Variants in CFAP61 observed in about 807,000 individuals in gnomAD.
CFAP61 encodes cilia and flagella associated protein 61, also known as cilia- and flagella-associated protein 61.
In CFAP61, 107 loss-of-function variants were observed where a neutral mutation model predicts 135.6. That is an observed-to-expected ratio of 0.79 (90% CI 0.67 to 0.93). The LOEUF (loss-of-function observed/expected upper bound fraction) is 0.93, where lower values mean the gene tolerates loss of function less well. Among genes scored for constraint, CFAP61 ranks in the 40% least tolerant of loss-of-function variants. The pLI is 0.00. For missense variants in CFAP61, 1,507 were observed against 1,556.2 expected (o/e 0.97, Z 0.53); for synonymous variants, 575 against 578.5 (o/e 0.99, Z 0.09).
At chr20:20,138,064 G>A (rs2051073999) in intron 8 of CFAP61, among the ~76,000 whole-genome samples, 1 of 152,060 alleles carries the variant, frequency 6.6e-6, no homozygotes, top group Admixed American at 6.5e-5. Flanking sequence ...CCAGGGCCTG[G>A]AATAGGGACC....
chr20:20,172,000 A>G (rs1234067110), intron 13 of CFAP61: 2 of 393,006 alleles, frequency 5.1e-6, no homozygotes, highest in Non-Finnish European at 4.5e-6. Context: ...ACCTCTGTTC[A>G]TATTATGTGA....
chr20:20,360,575 A>G lies in CFAP61; in HGVS notation c.*165A>G, dbSNP rs2059433467. ...TGACTTATGCCTGTAGTTTTCTATC[A>G]TCCCAGTAGGTGGCACACGGCCGTG... On this transcript the variant is annotated 3_prime_UTR_variant, in exon 27 of 27. Transcript: ENST00000245957. 1.6e-6 allele frequency: 1 copy of G among 627,264 alleles called. No homozygotes were observed. The allele number at this position is 627,264 out of a possible 1,614,324, so 38.9% of individuals were successfully genotyped here.
chr20:20,085,234 A>C (rs1445687051), intron 6 of CFAP61: 15 of 985,282 alleles, frequency 1.5e-5, no homozygotes, highest in Admixed American at 6.1e-5. Context: ...GGCAGCGCTC[A>C]TTGCCTCAGA....
chr20:20,271,976 G>A (rs1262272928), intron 21 of CFAP61, among the ~76,000 whole-genome samples: 1 of 152,152 alleles, frequency 6.6e-6, no homozygotes, highest in Non-Finnish European at 1.5e-5. Flanking sequence ...CAAAAACAGT[G>A]TATGTGATAT....
chr20:20,184,522 A>G (rs1308039129), intron 13 of CFAP61: 1 of 152,262 alleles, frequency 6.6e-6, no homozygotes, highest in East Asian at 1.9e-4. Context: ...CAAATTTTAA[A>G]TAGGGGGTCA....
chr20:20,278,732 G>A (rs989588707), intron 22 of CFAP61, among the ~76,000 whole-genome samples: 1 of 152,000 alleles, frequency 6.6e-6, no homozygotes, highest in Non-Finnish European at 1.5e-5. Flanking sequence ...AAAGGACAGG[G>A]GCTCAAAGCA....
At position 20,232,289 on chromosome 20, in the gene CFAP61, ACTC is replaced by A. The variant is rs1601532785; in HGVS notation, c.2060+3917_2060+3919del. Among the ~76,000 whole-genome samples, 3 of 151,712 alleles carry A rather than the reference ACTC, an allele frequency of 2.0e-5. No individual in the cohort carries two copies. The East Asian group carries it at 5.8e-4, about 29-fold the overall frequency. On this transcript the variant is annotated intron_variant, in intron 18 of 26. Coordinates refer to ENST00000245957, the MANE Select transcript of CFAP61 (RefSeq NM_015585.4). ...CTCCCACCAAGTCTAGCATTGCTGA[ACTC>A]CTCAACTGCAGTGCTTTGACTCTTT...
intron 8 of CFAP61, among the ~76,000 whole-genome samples, chr20:20,099,621 G>C (rs992801655): frequency 6.6e-6 from 1 of 152,094 alleles, no homozygotes; most frequent in Admixed American, 6.5e-5. Flanking sequence ...GCCATGTAGA[G>C]TGCTTTGCAC....
At chr20:20,104,961 T>G (rs1282880914) in intron 8 of CFAP61, among the ~76,000 whole-genome samples, 1 of 152,178 alleles carries the variant, frequency 6.6e-6, no homozygotes, top group East Asian at 1.9e-4. Flanking sequence ...AAAGACTGTC[T>G]GCAAATACAG....
intron 17 of CFAP61, among the ~76,000 whole-genome samples, chr20:20,217,209 C>T (rs1484608255): frequency 1.3e-5 from 2 of 152,132 alleles, no homozygotes; most frequent in Admixed American, 6.6e-5. Flanking sequence ...GCCCAGCGAG[C>T]CTTTTGGTGT....
At chr20:20,078,948 T>C (rs959648842) in intron 6 of CFAP61, among the ~76,000 whole-genome samples, 5 of 152,172 alleles carry the variant, frequency 3.3e-5, no homozygotes, top group South Asian at 2.1e-4. Context: ...AAGATTAATA[T>C]GGGGACATTA....
At chr20:20,079,705 C>A (rs541844998) in intron 6 of CFAP61, among the ~76,000 whole-genome samples, 2 of 152,256 alleles carry the variant, frequency 1.3e-5, no homozygotes, top group East Asian at 3.9e-4. Context: ...GAAAATTCCT[C>A]ATATAAAATG....
chr20:20,086,244 C>G (rs1469696005), intron 6 of CFAP61, among the ~76,000 whole-genome samples: 2 of 150,506 alleles, frequency 1.3e-5, no homozygotes, highest in African/African-American at 4.9e-5. Context: ...TGTACATGTG[C>G]CATACTGGTG....
chr20:20,071,587 C>G (rs181672809), intron 3 of CFAP61, among the ~76,000 whole-genome samples: 12 of 152,314 alleles, frequency 7.9e-5, no homozygotes, highest in Admixed American at 5.2e-4. Context: ...AGGCCAGAGA[C>G]AGGCCCCAGT....
chr20:20,117,748 G>T (rs888686982), intron 8 of CFAP61, among the ~76,000 whole-genome samples: 1 of 152,028 alleles, frequency 6.6e-6, no homozygotes, highest in Non-Finnish European at 1.5e-5. Context: ...GTATGTATGT[G>T]TCCTCTTCAA....
rs1162374446 is a variant in CFAP61 at position 20,347,416 on chromosome 20, G to GA, written c.3513+5499dup. Among the ~76,000 whole-genome samples, 12 of 152,184 alleles carry GA rather than the reference G, an allele frequency of 7.9e-5. No individual in the cohort carries two copies. The East Asian group carries it at 1.2e-3, about 15-fold the overall frequency. Reference sequence around the variant, plus strand: ...ATGAAATAGAGAATAAGAAAATAGAGAAAATCAATAAAACCAAAAGTTAGT... The same window carrying GA: ...ATGAAATAGAGAATAAGAAAATAGAGAAAAATCAATAAAACCAAAAGTTAGT... On this transcript the variant is annotated intron_variant, in intron 26 of 26. Coordinates refer to ENST00000245957, the MANE Select transcript of CFAP61 (RefSeq NM_015585.4).
chr20:20,299,989 G>A (rs1294531703), intron 25 of CFAP61, among the ~76,000 whole-genome samples: 3 of 152,136 alleles, frequency 2.0e-5, no homozygotes, highest in South Asian at 2.1e-4. Context: ...ACATAAACAC[G>A]TTCCAGTCAA....
intron 22 of CFAP61, among the ~76,000 whole-genome samples, chr20:20,284,620 T>C (rs112130665): frequency 7.9e-4 from 121 of 152,354 alleles, no homozygotes; most frequent in African/African-American, 2.8e-3. Context: ...TATCTTTTAG[T>C]AATTGCTCTA....
chr20:20,260,591 C>T (rs1483177180), intron 20 of CFAP61, among the ~76,000 whole-genome samples: 6 of 152,222 alleles, frequency 3.9e-5, no homozygotes, highest in African/African-American at 1.4e-4. Context: ...TAAGTGCACA[C>T]AAGAATTATG....
Sources: allele counts gnomAD v4.1 joint callset (sites outside exome capture counted in the v4.1 genomes callset), GRCh38; gene constraint gnomAD v4.1.1; transcripts MANE v1.5; gene names NCBI Gene and HGNC (gene_info 2026-07-23, HGNC 2026-07-21).